Variants in CDKAL1 observed in about 807,000 individuals in gnomAD.
The protein encoded by CDKAL1 is CDKAL1 threonylcarbamoyladenosine tRNA methylthiotransferase, also known as threonylcarbamoyladenosine tRNA methylthiotransferase.
In CDKAL1, 32 loss-of-function variants were observed where a neutral mutation model predicts 68.2. The observed-to-expected ratio is 0.47, with a 90% CI of 0.35 to 0.63. The LOEUF (loss-of-function observed/expected upper bound fraction) is 0.63, where lower values mean the gene tolerates loss of function less well. Ranked by LOEUF, CDKAL1 falls within the 30% of genes least tolerant of loss-of-function variation. CDKAL1 has a pLI of 0.00. For synonymous variants in CDKAL1, 234 were observed against 244.3 expected (o/e 0.96, Z 0.39); for missense variants, 606 against 696.7 (o/e 0.87, Z 1.47).
intron 2 of CDKAL1, among the ~76,000 whole-genome samples, chr6:20,542,544 A>G (rs574987692): frequency 4.0e-4 from 61 of 152,274 alleles, no homozygotes; most frequent in African/African-American, 1.5e-3. Flanking sequence ...TATTAGTGGT[A>G]GTACTATCAG....
chr6:21,102,164 T>C (rs1773607577), intron 12 of CDKAL1, among the ~76,000 whole-genome samples: 1 of 152,212 alleles, frequency 6.6e-6, no homozygotes, highest in South Asian at 2.1e-4. Flanking sequence ...TCCATGTACC[T>C]ATATTCAGTC....
chr6:20,734,823 C>G (rs1347227603), intron 5 of CDKAL1, among the ~76,000 whole-genome samples: 2 of 151,626 alleles, frequency 1.3e-5, no homozygotes, highest in African/African-American at 2.4e-5. Context: ...CTGCCTAGGC[C>G]TCCCAAAGAG....
At chr6:21,229,825 G>A (rs577979288) in intron 15 of CDKAL1, among the ~76,000 whole-genome samples, 4 of 152,080 alleles carry the variant, frequency 2.6e-5, no homozygotes, top group African/African-American at 7.2e-5. Flanking sequence ...ATTGTGCTTC[G>A]AAACTAGAGC....
chr6:20,553,456 C>G (rs868838762), intron 4 of CDKAL1, among the ~76,000 whole-genome samples: 13 of 152,244 alleles, frequency 8.5e-5, no homozygotes, highest in Admixed American at 3.3e-4. Flanking sequence ...TTGCTGTGAG[C>G]TGAGATTGCC....
intron 12 of CDKAL1, among the ~76,000 whole-genome samples, chr6:21,075,039 C>A (rs768779083): frequency 6.6e-6 from 1 of 151,744 alleles, no homozygotes; most frequent in Non-Finnish European, 1.5e-5. Flanking sequence ...AACATATGTA[C>A]AATTATTGTG....
At chr6:20,684,700 G>T (rs1261092210) in intron 5 of CDKAL1, among the ~76,000 whole-genome samples, 1 of 150,050 alleles carries the variant, frequency 6.7e-6, no homozygotes, top group Non-Finnish European at 1.5e-5. Flanking sequence ...CAGTGTTCTG[G>T]ATTTGGCCAT....
chr6:20,931,034 C>T (rs530546518), intron 9 of CDKAL1, among the ~76,000 whole-genome samples: 2 of 152,134 alleles, frequency 1.3e-5, no homozygotes, highest in Admixed American at 6.5e-5. Context: ...TGAGCCACCG[C>T]GCCCGGCTGC....
chr6:20,803,177 A>T (rs952564349), intron 8 of CDKAL1, among the ~76,000 whole-genome samples: 1 of 152,216 alleles, frequency 6.6e-6, no homozygotes, highest in Non-Finnish European at 1.5e-5. Context: ...AGAGTTTGCA[A>T]ACAAGGTAGA....
In CDKAL1 at chr6:20,758,632, A is replaced by C; in HGVS notation, c.506A>C (p.Glu169Ala). ...QIDRVVEVVE[E>A]TIKGHSVRLL... is the part of the protein sequence containing the mutation. The stretch of plus-strand genomic sequence containing the variant: ...GATCGTGTGGTAGAAGTTGTGGAGG[A>C]GACAATTAAAGGTAATCGTTGAAAG... Residue 169 changes from glutamate to alanine, a missense_variant, in exon 7 of 16, where the codon GAG (glutamate) becomes GCG (alanine). Transcript: ENST00000274695. 6.2e-7 allele frequency: 1 copy of C among 1,608,390 alleles called. No homozygotes were observed. Among genetic ancestry groups the C allele is most frequent in the Non-Finnish European group, 8.5e-7 (1 of 1,177,388 alleles).
chr6:21,021,053 A>G (rs1282856404), intron 11 of CDKAL1, among the ~76,000 whole-genome samples: 3 of 152,188 alleles, frequency 2.0e-5, no homozygotes, highest in Non-Finnish European at 4.4e-5. Flanking sequence ...CAAGAACTGT[A>G]TGGGAGTAAT....
At chr6:21,148,350 C>A (rs928511632) in intron 13 of CDKAL1, among the ~76,000 whole-genome samples, 2 of 152,164 alleles carry the variant, frequency 1.3e-5, no homozygotes, top group African/African-American at 4.8e-5. Flanking sequence ...CTTATAAATA[C>A]TCTTAATTAA....
intron 4 of CDKAL1, among the ~76,000 whole-genome samples, chr6:20,608,754 G>A (rs1766445412): frequency 6.6e-6 from 1 of 152,146 alleles, no homozygotes; most frequent in South Asian, 2.1e-4. Flanking sequence ...TGCTTGTTCG[G>A]CATCTTTCTC....
intron 9 of CDKAL1, among the ~76,000 whole-genome samples, chr6:20,895,786 A>G (rs1052371174): frequency 6.6e-6 from 1 of 152,172 alleles, no homozygotes; most frequent in Non-Finnish European, 1.5e-5. Flanking sequence ...TGCAAGCACT[A>G]CCATACCCAA....
At chr6:20,972,238 T>C (rs570153562) in intron 10 of CDKAL1, among the ~76,000 whole-genome samples, 2 of 152,316 alleles carry the variant, frequency 1.3e-5, no homozygotes, top group South Asian at 4.1e-4. Flanking sequence ...CAAAAATGGA[T>C]TGTTCTGCAT....
chr6:20,608,972 T>G (rs1766453828), intron 4 of CDKAL1, among the ~76,000 whole-genome samples: 1 of 152,206 alleles, frequency 6.6e-6, no homozygotes, highest in Non-Finnish European at 1.5e-5. Flanking sequence ...AGGCTTTTTA[T>G]GGATTTGGGA....
intron 10 of CDKAL1, among the ~76,000 whole-genome samples, chr6:20,965,432 G>A (rs1249186188): frequency 6.8e-6 from 1 of 146,856 alleles, no homozygotes; most frequent in African/African-American, 2.6e-5. Context: ...GGAGGGGAGG[G>A]GAGGGGAGGG....
intron 15 of CDKAL1, among the ~76,000 whole-genome samples, chr6:21,225,843 AC>A (rs1379703663): frequency 3.3e-5 from 5 of 152,230 alleles, no homozygotes; most frequent in Non-Finnish European, 7.3e-5. Flanking sequence ...ATTTCTGAGG[AC>A]GTTTGCGTTT....
chr6:21,139,006 G>A (rs1032209751), intron 13 of CDKAL1, among the ~76,000 whole-genome samples: 32 of 152,264 alleles, frequency 2.1e-4, no homozygotes, highest in African/African-American at 3.9e-4. Context: ...TGAGAGGCAC[G>A]TCCATTACAA....
At chr6:21,203,685 T>C (rs1756203662) in intron 15 of CDKAL1, among the ~76,000 whole-genome samples, 1 of 149,534 alleles carries the variant, frequency 6.7e-6, no homozygotes, top group African/African-American at 2.5e-5. Flanking sequence ...TTGTCTCACT[T>C]GACCTCTTTT....
Sources: gnomAD v4.1 joint callset for allele counts (sites outside exome capture counted in the v4.1 genomes callset) on GRCh38, gnomAD v4.1.1 for gene constraint, MANE v1.5 for transcripts, NCBI Gene and HGNC (gene_info 2026-07-23, HGNC 2026-07-21) for gene names.